Variants in DTX1 observed in about 807,000 individuals in gnomAD.
DTX1 encodes deltex E3 ubiquitin ligase 1.
DTX1 carries 26 observed loss-of-function variants against 57.8 expected under a neutral mutation model. The observed-to-expected ratio is 0.45, with a 90% CI of 0.33 to 0.62. The LOEUF (loss-of-function observed/expected upper bound fraction) is 0.62. Among genes scored for constraint, DTX1 ranks in the 20% least tolerant of loss-of-function variants. The pLI, the probability that DTX1 is intolerant of heterozygous loss-of-function variation, is 0.02. For synonymous variants in DTX1, 398 were observed against 394.1 expected (o/e 1.01, Z -0.12); for missense variants, 704 against 895.3 (o/e 0.79, Z 2.73).
Position 113,093,568 on chromosome 12 carries a change from G to A in DTX1, c.1033G>A (p.Gly345Arg), listed in dbSNP as rs1950262764. 2 of 1,609,978 alleles carry A rather than the reference G, an allele frequency of 1.2e-6. No homozygotes were observed. Among genetic ancestry groups the A allele is most frequent in the South Asian group, 1.1e-5 (1 of 90,804 alleles). ...GACCGGGATACTGCTGTGCGCGGCCGGGCTGCCCGTGTGCCTGACGCGGGC... is the reference window on the plus strand; with the variant it reads ...GACCGGGATACTGCTGTGCGCGGCCAGGCTGCCCGTGTGCCTGACGCGGGC... ...GMTGILLCAA[G>R]LPVCLTRAPK... Residue 345 changes from glycine (G) to arginine (R), a missense_variant, in exon 5 of 10, where the codon GGG becomes AGG. Physicochemically the swap from Gly to Arg is moderately radical, Grantham distance 125 (BLOSUM62 -2). Transcript: ENST00000548759. This position sits in a 1 kb window ranked among gnomAD's most constrained non-coding sequence, Gnocchi z 4.2.
chr12:113,093,503 G>T lies in DTX1; in HGVS notation c.1004-36G>T. The stretch of plus-strand genomic sequence containing the variant: ...GTGGTCGGGGGTTTGGGCGGGGATG[G>T]CGCCCCGCCCTGTGACTGCGCCCCC... On this transcript the variant is annotated intron_variant, in intron 4 of 9. Coordinates refer to ENST00000548759, the MANE Select transcript of DTX1 (RefSeq NM_004416.3). The surrounding 1 kb of genome is among the most constrained non-coding windows in gnomAD (Gnocchi z 4.2). 6.5e-7 allele frequency: 1 copy of T among 1,541,382 alleles called. No individual in the cohort carries two copies. The highest frequency in any genetic ancestry group is 8.7e-7 in the Non-Finnish European group (1 of 1,144,360).
chr12:113,058,584 A>T lies in DTX1; in HGVS notation c.259+133A>T, dbSNP rs2044646876. On this transcript the variant is annotated intron_variant, in intron 2 of 9. Coordinates refer to ENST00000548759, the MANE Select transcript of DTX1 (RefSeq NM_004416.3). ...ATCTCCCTGCCTCACCTCCAGAAAAACAGGGCAGTCTAACCTTGTCCAGTT... is the reference window on the plus strand; with the variant it reads ...ATCTCCCTGCCTCACCTCCAGAAAATCAGGGCAGTCTAACCTTGTCCAGTT... 7 of 1,438,712 alleles carry T rather than the reference A, an allele frequency of 4.9e-6. No homozygotes were observed. In the South Asian group the frequency reaches 9.7e-5, roughly 20 times the overall value. 89.1% of individuals were successfully genotyped at this position (1,438,712 alleles called of 1,614,324 possible).
chr12:113,078,765 G>GTGGC (rs1246923512), intron 3 of DTX1, among the ~76,000 whole-genome samples: 1 of 152,082 alleles, frequency 6.6e-6, no homozygotes, highest in Non-Finnish European at 1.5e-5. Flanking sequence ...ACCTCACATG[G>GTGGC]TGGCTCGAGC....
At chr12:113,064,949 G>A (rs1024286393) in intron 2 of DTX1, among the ~76,000 whole-genome samples, 1 of 152,188 alleles carries the variant, frequency 6.6e-6, no homozygotes, top group African/African-American at 2.4e-5. Flanking sequence ...AATGATAGGA[G>A]GAACACTTAC....
Position 113,079,725 on chromosome 12 carries a change from T to C in DTX1, c.941+1620T>C, listed in dbSNP as rs537578088. 2.6e-3 allele frequency among the ~76,000 whole-genome samples: 392 copies of C among 150,970 alleles called. 1 individual carries two copies. The highest frequency in any genetic ancestry group is 0.01 in the South Asian group (48 of 4,720). The stretch of plus-strand genomic sequence containing the variant: ...GTGTGTGTGTGTGTGTGTGTGTGTG[T>C]GTGTGTGTGTGTTAGTGGAGATGGG... On this transcript the variant is annotated intron_variant, in intron 3 of 9. Coordinates refer to ENST00000548759, the MANE Select transcript of DTX1 (RefSeq NM_004416.3).
intron 3 of DTX1, 51 bp downstream of exon 3, chr12:113,078,156 A>C: frequency 7.8e-7 from 1 of 1,288,164 alleles, no homozygotes; most frequent in South Asian, 1.9e-5. Context: ...GCAGGCAAGG[A>C]CGAAGCCCGG....
chr12:113,093,564 G>T lies in DTX1; in HGVS notation c.1029G>T (p.Ala343=), dbSNP rs1314700927. 6.2e-7 allele frequency: 1 copy of T among 1,609,690 alleles called. No individual in the cohort carries two copies. Among genetic ancestry groups the T allele is most frequent in the Non-Finnish European group, 8.5e-7 (1 of 1,178,274 alleles). Residue 343 remains alanine, a synonymous_variant, in exon 5 of 10, where the codon GCG becomes GCT. Coordinates refer to ENST00000548759, the MANE Select transcript of DTX1 (RefSeq NM_004416.3). The surrounding 1 kb of genome is among the most constrained non-coding windows in gnomAD (Gnocchi z 4.2). ...GGATGACCGGGATACTGCTGTGCGC[G>T]GCCGGGCTGCCCGTGTGCCTGACGC... ...LAGMTGILLC[A]AGLPVCLTRA... is the part of the protein sequence containing the mutation.
chr12:113,087,674 G>T (rs1296987746), intron 3 of DTX1, among the ~76,000 whole-genome samples: 1 of 152,136 alleles, frequency 6.6e-6, no homozygotes, highest in Non-Finnish European at 1.5e-5. Flanking sequence ...CACCCACTTG[G>T]CCCCAAATGA....
In DTX1 at chr12:113,058,342, C is replaced by T. The variant is rs2044644493; in HGVS notation, c.150C>T (p.Asn50=). ...CCACCGTGTGCCACCACATTGAGAA[C>T]GTGCTGAAGGAGGACGCTCGCGGTT... is the stretch of plus-strand genomic sequence containing the variant. ...YTATVCHHIE[N]VLKEDARGSV... Residue 50 remains asparagine (N), a synonymous_variant, in exon 2 of 10, where the codon AAC becomes AAT. Coordinates refer to ENST00000548759, the MANE Select transcript of DTX1 (RefSeq NM_004416.3). 2.5e-6 allele frequency: 4 copies of T among 1,613,600 alleles called. No homozygotes were observed. Among genetic ancestry groups the T allele is most frequent in the Non-Finnish European group, 2.5e-6 (3 of 1,180,032 alleles).
At chr12:113,096,087 C>T (rs1950287885) in intron 9 of DTX1, among the ~76,000 whole-genome samples, 1 of 152,050 alleles carries the variant, frequency 6.6e-6, no homozygotes, top group African/African-American at 2.4e-5. Context: ...CGCCTGTAGT[C>T]CCAGCTACCT....
intron 3 of DTX1, among the ~76,000 whole-genome samples, chr12:113,085,930 G>GGAGAAGGTAATACCTT (rs1394199969): frequency 1.3e-5 from 2 of 152,160 alleles, no homozygotes; most frequent in East Asian, 3.9e-4. Flanking sequence ...AAGGCCTCAT[G>GGAGAAGGTAATACCTT]GAGAAGGTAA....
intron 3 of DTX1, among the ~76,000 whole-genome samples, chr12:113,082,311 C>T (rs2044824297): frequency 6.6e-6 from 1 of 152,178 alleles, no homozygotes; most frequent in African/African-American, 2.4e-5. Context: ...AACGCTCCAT[C>T]TCCAAGAAAC....
chr12:113,061,912 G>A (rs2044666819), intron 2 of DTX1, among the ~76,000 whole-genome samples: 1 of 151,988 alleles, frequency 6.6e-6, no homozygotes, highest in Admixed American at 6.6e-5. Context: ...TACCCTGTTG[G>A]CCAAGCTGGT....
At chr12:113,094,121 T>TTGGGGGGGGGG in intron 6 of DTX1, 22 bp downstream of exon 6, 15 of 443,316 alleles carry the variant, frequency 3.4e-5, no homozygotes, top group Non-Finnish European at 6.3e-5. Flanking sequence ...ATGGGGGGGC[T>TTGGGGGGGGGG]GGGGGAGGGC....
chr12:113,069,385 T>C (rs1254487095), intron 2 of DTX1, among the ~76,000 whole-genome samples: 1 of 152,034 alleles, frequency 6.6e-6, no homozygotes, highest in Non-Finnish European at 1.5e-5. Context: ...GGTGGTAGCC[T>C]CTCCGAGTGC....
Position 113,057,989 on chromosome 12 carries a change from G to A in DTX1, c.-204G>A, listed in dbSNP as rs993281557. On this transcript the variant is annotated 5_prime_UTR_variant, in exon 2 of 10. Coordinates refer to ENST00000548759, the MANE Select transcript of DTX1 (RefSeq NM_004416.3). Reference sequence around the variant, plus strand: ...CCCTTTATCGGAGAAGGCTCTACAGGGAAGGGGTCTTTGCAGCCTGGATGG... The same window carrying A: ...CCCTTTATCGGAGAAGGCTCTACAGAGAAGGGGTCTTTGCAGCCTGGATGG... 4 of 758,456 alleles carry A rather than the reference G, an allele frequency of 5.3e-6. No individual in the cohort carries two copies. The highest frequency in any genetic ancestry group is 3.5e-5 in the African/African-American group (2 of 56,674). 47.0% of individuals were successfully genotyped at this position (758,456 alleles called of 1,614,324 possible). A position where few individuals can be genotyped will look rare whatever the true frequency, so the allele number is the denominator to read the frequency against.
At chr12:113,076,213 C>T (rs1473378621) in intron 2 of DTX1, among the ~76,000 whole-genome samples, 1 of 152,076 alleles carries the variant, frequency 6.6e-6, no homozygotes. Flanking sequence ...AATCCCAGCA[C>T]TTTGGGAGGC....
chr12:113,058,265 G>T lies in DTX1; in HGVS notation c.73G>T (p.Val25Leu). ...LGFPPQNVAR[V>L]VVWEWLNEHS... Reference sequence around the variant, plus strand: ...CTTCCCACCGCAGAACGTGGCCCGGGTGGTGGTGTGGGAGTGGCTGAATGA... The same window carrying T: ...CTTCCCACCGCAGAACGTGGCCCGGTTGGTGGTGTGGGAGTGGCTGAATGA... The change falls in exon 2 of 10, where the codon GTG becomes TTG. Residue 25 changes from valine (V) to leucine (L), a missense_variant. Val to Leu is a conservative substitution (Grantham distance 32). Coordinates refer to ENST00000548759, the MANE Select transcript of DTX1 (RefSeq NM_004416.3). The T allele has an allele frequency of 6.2e-7, 1 of 1,613,796 alleles. No homozygotes were observed. Among genetic ancestry groups the T allele is most frequent in the Non-Finnish European group, 8.5e-7 (1 of 1,180,016 alleles).
At position 113,077,902 on chromosome 12, in the gene DTX1, C is replaced by T; in HGVS notation, c.738C>T (p.Ala246=). The T allele has an allele frequency of 1.6e-6, 2 of 1,244,542 alleles. No homozygotes were observed. Among genetic ancestry groups the T allele is most frequent in the African/African-American group, 1.6e-5 (1 of 62,692 alleles). The allele number at this position is 1,244,542 out of a possible 1,614,324, so 77.1% of individuals were successfully genotyped here. Residue 246 remains alanine, a synonymous_variant, in exon 3 of 10, where the codon GCC becomes GCT. Transcript: ENST00000548759. The surrounding 1 kb of genome is among the most constrained non-coding windows in gnomAD (Gnocchi z 7.8). The part of the protein sequence containing the change: ...PPPGGPPGAL[A]VRPSATFTGA... ...CTGGAGGGCCTCCAGGCGCGCTTGC[C>T]GTGCGCCCCAGCGCCACCTTCACAG... is the stretch of plus-strand genomic sequence containing the variant.
Sources: gnomAD v4.1 joint callset for allele counts (sites outside exome capture counted in the v4.1 genomes callset) on GRCh38, gnomAD v4.1.1 for gene constraint, Gnocchi (gnomAD v3.1) non-coding constraint, MANE v1.5 for transcripts, NCBI Gene and HGNC (gene_info 2026-07-23, HGNC 2026-07-21) for gene names.